DLGAP1: variants seen among roughly 807,000 people sequenced by gnomAD.
DLGAP1 encodes the protein disks large-associated protein 1.
A neutral mutation model predicts 90.8 loss-of-function variants in DLGAP1; 11 were observed. The observed-to-expected ratio is 0.12, with a 90% CI of 0.08 to 0.20. The LOEUF (loss-of-function observed/expected upper bound fraction) is 0.20, where lower values mean the gene tolerates loss of function less well. DLGAP1 is among the 10% of genes least tolerant of loss of function. DLGAP1 has a pLI of 1.00. For missense variants in DLGAP1, 1,050 were observed against 1,333.8 expected, an observed-to-expected ratio of 0.79 and a Z score of 3.31; for synonymous variants, 558 against 540.7, an observed-to-expected ratio of 1.03 and a Z score of -0.44.
chr18:4,421,366 CAG>C (rs2083025115), intron 1 of DLGAP1, among the ~76,000 whole-genome samples: 2 of 152,282 alleles, frequency 1.3e-5, no homozygotes, highest in East Asian at 3.9e-4. Context: ...AAGGCCCACA[CAG>C]AGAATCTAGT....
chr18:3,544,391 A>AAAAT (rs1279346959), intron 9 of DLGAP1, among the ~76,000 whole-genome samples: 2 of 152,322 alleles, frequency 1.3e-5, no homozygotes, highest in Non-Finnish European at 2.9e-5. Context: ...CCATCTCAGA[A>AAAAT]AAATAAATAA....
intron 11 of DLGAP1, among the ~76,000 whole-genome samples, chr18:3,503,072 TCTAAAATAA>T (rs1383084189): frequency 1.3e-5 from 2 of 152,188 alleles, no homozygotes; most frequent in African/African-American, 4.8e-5. Flanking sequence ...AGATAAGGAA[TCTAAAATAA>T]GATTAGTTTA....
intron 2 of DLGAP1, among the ~76,000 whole-genome samples, chr18:4,077,606 G>A (rs2075542885): frequency 6.6e-6 from 1 of 152,112 alleles, no homozygotes; most frequent in African/African-American, 2.4e-5. Context: ...CTCTCTTGCT[G>A]TGTGATCTCT....
intron 12 of DLGAP1, among the ~76,000 whole-genome samples, chr18:3,501,359 T>C (rs1196949584): frequency 6.6e-6 from 1 of 152,174 alleles, no homozygotes; most frequent in African/African-American, 2.4e-5. Flanking sequence ...TAAACACAGA[T>C]TAAAGAAAAC....
intron 3 of DLGAP1, among the ~76,000 whole-genome samples, chr18:3,954,234 C>T: frequency 6.6e-6 from 1 of 152,080 alleles, no homozygotes; most frequent in African/African-American, 2.4e-5. Context: ...TTCCTAAAAA[C>T]ATATTATCTT....
chr18:4,111,884 T>C (rs1188545515), intron 2 of DLGAP1, among the ~76,000 whole-genome samples: 1 of 151,606 alleles, frequency 6.6e-6, no homozygotes, highest in Non-Finnish European at 1.5e-5. Context: ...TTTCAAATAA[T>C]AAATTTTTTG....
chr18:3,799,206 A>G (rs1282115695), intron 5 of DLGAP1, among the ~76,000 whole-genome samples: 1 of 152,202 alleles, frequency 6.6e-6, no homozygotes, highest in Non-Finnish European at 1.5e-5. Flanking sequence ...AAAAAGCCAC[A>G]ACCAGAGAAG....
At chr18:3,902,055 C>T (rs139244910) in intron 3 of DLGAP1, among the ~76,000 whole-genome samples, 76 of 152,318 alleles carry the variant, frequency 5.0e-4, no homozygotes, top group African/African-American at 1.8e-3. Context: ...GCCTAGAGCA[C>T]AGAACCTCAA....
At chr18:4,421,119 C>T (rs1020576074) in intron 1 of DLGAP1, among the ~76,000 whole-genome samples, 1 of 152,180 alleles carries the variant, frequency 6.6e-6, no homozygotes, top group Non-Finnish European at 1.5e-5. Flanking sequence ...GTTATACTCT[C>T]CCTCTTCTTG....
At chr18:4,148,667 T>C (rs949305228) in intron 2 of DLGAP1, among the ~76,000 whole-genome samples, 18 of 152,224 alleles carry the variant, frequency 1.2e-4, no homozygotes, top group Non-Finnish European at 2.1e-4. Flanking sequence ...CTGCTACGAC[T>C]TTCCTGGTTT....
rs139841606 is a variant in DLGAP1 at position 3,509,884 on chromosome 18, G to A, written c.2480-1223C>T. Among the ~76,000 whole-genome samples the A allele has an allele frequency of 4.3e-3, 648 of 152,212 alleles. 8 individuals are homozygous for A. The highest frequency in any genetic ancestry group is 0.015 in the African/African-American group (610 of 41,536). On this transcript the variant is annotated intron_variant, in intron 10 of 12. Transcript: ENST00000315677. ...CTAGGCGTTACTCAAGTATTTCAGC[G>A]TTCCCACAAGTCACTCAGTGCATTT...
chr18:4,226,683 CAAAA>C (rs34227245), intron 1 of DLGAP1, among the ~76,000 whole-genome samples: 1 of 125,610 alleles, frequency 8.0e-6, no homozygotes, highest in Non-Finnish European at 1.7e-5. Context: ...ATGGTAAACT[CAAAA>C]AAAAAAAAAA....
intron 2 of DLGAP1, among the ~76,000 whole-genome samples, chr18:4,112,232 AT>A (rs111440613): frequency 9.2e-5 from 14 of 152,026 alleles, no homozygotes; most frequent in African/African-American, 3.1e-4. Flanking sequence ...GAATTTCCCC[AT>A]TTTTTTCTGT....
intron 5 of DLGAP1, among the ~76,000 whole-genome samples, chr18:3,785,297 G>A (rs1445603840): frequency 6.6e-6 from 1 of 152,198 alleles, no homozygotes; most frequent in Non-Finnish European, 1.5e-5. Context: ...AGTTGCTTAC[G>A]GATGCTGGAG....
intron 7 of DLGAP1, among the ~76,000 whole-genome samples, chr18:3,631,988 C>T (rs1353541556): frequency 6.6e-6 from 1 of 152,098 alleles, no homozygotes; most frequent in Non-Finnish European, 1.5e-5. Context: ...GTTGCCCAAG[C>T]TGGCCTCCAA....
chr18:3,729,358 C>A lies in DLGAP1; in HGVS notation c.1368G>T (p.Val456=). ...STISQVSEME[V]NGQFESVCES... ...CGCACACGGACTCGAACTGCCCGTT[C>A]ACTTCCATCTCGCTCACCTGCGGGC... Residue 456 remains valine, a synonymous_variant, in exon 7 of 13, where the codon GTG becomes GTT. Transcript: ENST00000315677. This position sits in a 1 kb window ranked among gnomAD's most constrained non-coding sequence, Gnocchi z 6.2. 1 of 1,613,220 alleles carries A rather than the reference C, an allele frequency of 6.2e-7. No individual in the cohort carries two copies. Among genetic ancestry groups the A allele is most frequent in the South Asian group, 1.1e-5 (1 of 91,036 alleles).
In DLGAP1 at chr18:3,622,979, A is replaced by G. The variant is rs531655762; in HGVS notation, c.1592-40731T>C. On this transcript the variant is annotated intron_variant, in intron 7 of 12. Transcript: ENST00000315677. ...GCCACCATGCCCTGTTAATTTTTGT[A>G]TTTTTAGTAGAGAAGGGGTTTCACC... is the stretch of plus-strand genomic sequence containing the variant. Among the ~76,000 whole-genome samples, 9 of 151,954 alleles carry G rather than the reference A, an allele frequency of 5.9e-5. No individual in the cohort carries two copies. The East Asian group carries it at 1.4e-3, about 23-fold the overall frequency.
At chr18:3,657,731 T>C (rs922536124) in intron 7 of DLGAP1, among the ~76,000 whole-genome samples, 1 of 151,488 alleles carries the variant, frequency 6.6e-6, no homozygotes, top group Non-Finnish European at 1.5e-5. Flanking sequence ...GCCTCCCGAA[T>C]AGCTGGTACT....
intron 3 of DLGAP1, among the ~76,000 whole-genome samples, chr18:3,966,817 G>A (rs571065144): frequency 6.6e-6 from 1 of 152,056 alleles, no homozygotes; most frequent in African/African-American, 2.4e-5. Context: ...GAGAGGGGAC[G>A]TCTGAGCTAG....
Sources: gnomAD v4.1 joint callset for allele counts (sites outside exome capture counted in the v4.1 genomes callset) on GRCh38, gnomAD v4.1.1 for gene constraint, Gnocchi (gnomAD v3.1) non-coding constraint, MANE v1.5 for transcripts, NCBI Gene and HGNC (gene_info 2026-07-23, HGNC 2026-07-21) for gene names.